The following FBRS variants were observed in gnomAD, a reference collection of about 807,000 sequenced individuals.
FBRS encodes probable fibrosin-1.
Under a neutral mutation model 86.1 loss-of-function variants are expected in FBRS, and 15 were observed. The ratio of observed to expected loss-of-function variants is 0.17; its 90% CI spans 0.12 to 0.27. The LOEUF (loss-of-function observed/expected upper bound fraction) is 0.27, where lower values mean the gene tolerates loss of function less well. Ranked by LOEUF, FBRS falls within the 10% of genes least tolerant of loss-of-function variation. FBRS has a pLI of 1.00. For synonymous variants in FBRS, 666 were observed against 575.8 expected, an observed-to-expected ratio of 1.16 and a Z score of -2.24; for missense variants, 1,367 against 1,301.6, an observed-to-expected ratio of 1.05 and a Z score of -0.77.
At chr16:30,667,764 T>C (rs2052540842) in intron 15 of FBRS, 142 bp downstream of exon 15, 2 of 660,986 alleles carry the variant, frequency 3.0e-6, no homozygotes, top group Admixed American at 3.6e-5. Context: ...CTCTACCCCC[T>C]CTGAGCCTTG....
rs1444751428 is a variant in FBRS, at chr16:30,659,866, G to C, written c.348G>C (p.Gly116=). Reference sequence around the variant, plus strand: ...AAGAGGAGGAGGAGGAGGAGGAGGGGGGCGCAGACGACGGCGAAGCCGAGG... The same window carrying C: ...AAGAGGAGGAGGAGGAGGAGGAGGGCGGCGCAGACGACGGCGAAGCCGAGG... ...GEEEEEEEEE[G]GADDGEAEEE... is the part of the protein sequence containing the mutation. The change falls in exon 1 of 18, where the codon GGG becomes GGC. Residue 116 remains glycine (G), a synonymous_variant. Transcript: ENST00000356166. The C allele has an allele frequency of 1.3e-6, 2 of 1,542,766 alleles. No individual in the cohort carries two copies. The highest frequency in any genetic ancestry group is 2.5e-5 in the East Asian group (1 of 40,752).
intron 4 of FBRS, 137 bp from the exon 5 acceptor site, chr16:30,662,283 A>C (rs2052471163): frequency 1.5e-6 from 2 of 1,343,208 alleles, no homozygotes; most frequent in African/African-American, 2.9e-5. Flanking sequence ...CCAGTCTTTG[A>C]TGGATCTCAG....
chr16:30,669,557 C>T lies in FBRS; in HGVS notation c.2855C>T (p.Ala952Val). The T allele has an allele frequency of 1.2e-5, 19 of 1,612,808 alleles. No individual in the cohort carries two copies. Among genetic ancestry groups the T allele is most frequent in the Non-Finnish European group, 1.6e-5 (19 of 1,179,800 alleles). The change falls in exon 18 of 18, where the codon GCC (alanine) becomes GTC (valine). Residue 952 changes from alanine (A) to valine (V), a missense_variant. Physicochemically the swap from Ala to Val is moderately conservative, Grantham distance 64 (BLOSUM62 0). Around this residue, in one of 3 missense-constraint regions of FBRS, gnomAD observed 659 missense variants for 678.8 expected, o/e 0.97. Coordinates refer to ENST00000356166, the MANE Select transcript of FBRS (RefSeq NM_001105079.3). The surrounding 1 kb of genome is among the most constrained non-coding windows in gnomAD (Gnocchi z 5.9). ...CTTCTCAGCAAGACCCCACCGGGAG[C>T]CCTTTTGGGGGCACCACCTCCGCTT... The part of the protein sequence containing the change: ...PHLLSKTPPG[A>V]LLGAPPPLVP...
chr16:30,662,384 C>A, intron 4 of FBRS, 36 bp from the exon 5 acceptor site: 1 of 1,549,732 alleles, frequency 6.5e-7, no homozygotes, highest in South Asian at 1.2e-5. Context: ...CTGGCCCACC[C>A]ACAACCTAAC....
chr16:30,663,403 C>G (rs991558627), intron 6 of FBRS, among the ~76,000 whole-genome samples: 1 of 151,810 alleles, frequency 6.6e-6, no homozygotes, highest in Non-Finnish European at 1.5e-5. Flanking sequence ...TCAGGTCTTA[C>G]GTGAGTAAAC....
At chr16:30,660,577 C>T (rs1332058948) in intron 2 of FBRS, 135 bp downstream of exon 2, 2 of 1,248,308 alleles carry the variant, frequency 1.6e-6, no homozygotes, top group Non-Finnish European at 2.0e-6. Flanking sequence ...CAAATTTGAG[C>T]CCTTACTCAT....
Position 30,668,892 on chromosome 16 carries a change from C to T in FBRS, c.2279C>T (p.Pro760Leu). ...SPLTFPAWVR[P>L]PEAARTPGSD... Reference sequence around the variant, plus strand: ...CTGACCTTTCCTGCCTGGGTCCGGCCCCCTGAGGCCGCCCGGACTCCAGGC... The same window carrying T: ...CTGACCTTTCCTGCCTGGGTCCGGCTCCCTGAGGCCGCCCGGACTCCAGGC... The change falls in exon 17 of 18, where the codon CCC becomes CTC. Residue 760 changes from proline to leucine, a missense_variant. Coordinates refer to ENST00000356166, the MANE Select transcript of FBRS (RefSeq NM_001105079.3). 6.3e-7 allele frequency: 1 copy of T among 1,586,020 alleles called. No individual in the cohort carries two copies. Among genetic ancestry groups the T allele is most frequent in the South Asian group, 1.1e-5 (1 of 87,970 alleles).
Position 30,666,986 on chromosome 16 carries a change from T to G in FBRS, c.1871T>G (p.Met624Arg), listed in dbSNP as rs1202716803. The G allele has an allele frequency of 6.2e-7, 1 of 1,608,120 alleles. No individual in the cohort carries two copies. Among genetic ancestry groups the G allele is most frequent in the Admixed American group, 1.7e-5 (1 of 59,046 alleles). The change falls in exon 13 of 18, where the codon ATG becomes AGG. Residue 624 changes from methionine to arginine, a missense_variant. Physicochemically the swap from Met to Arg is moderately conservative, Grantham distance 91. Transcript: ENST00000356166. Reference protein sequence around the residue: ...AYMILRHQEKMKGDSHKLDFR... With the variant: ...AYMILRHQEKRKGDSHKLDFR... ...ATGATCCTGAGACACCAGGAGAAAA[T>G]GAAGGTACTGGGGCCGGAGGGCTGG...
In FBRS at chr16:30,666,930, G is replaced by A. The variant is rs886676544; in HGVS notation, c.1815G>A (p.Lys605=). The A allele has an allele frequency of 6.2e-7, 1 of 1,612,756 alleles. No individual in the cohort carries two copies. The highest frequency in any genetic ancestry group is 8.5e-7 in the Non-Finnish European group (1 of 1,179,494). The change falls in exon 13 of 18, where the codon AAG becomes AAA. Residue 605 remains lysine, a synonymous_variant. Coordinates refer to ENST00000356166, the MANE Select transcript of FBRS (RefSeq NM_001105079.3). ...HFRPPLRKPG[K]WCAMHVRVAY... ...TTCTGGGGCGGCAGAAACCAGGGAAGTGGTGTGCCATGCACGTGCGTGTGG... is the reference window on the plus strand; with the variant it reads ...TTCTGGGGCGGCAGAAACCAGGGAAATGGTGTGCCATGCACGTGCGTGTGG...
Position 30,665,874 on chromosome 16 carries a change from T to C in FBRS, c.1773+168T>C. 6.6e-6 allele frequency: 4 copies of C among 606,470 alleles called. No homozygotes were observed. The highest frequency in any genetic ancestry group is 1.1e-5 in the Non-Finnish European group (4 of 348,172). The allele number at this position is 606,470 out of a possible 1,614,324, so 37.6% of individuals were successfully genotyped here. A position where few individuals can be genotyped will look rare whatever the true frequency, so the allele number is the denominator to read the frequency against. Reference sequence around the variant, plus strand: ...TGTAAATAGCTGGCTTTCCCAGGCATGAGGAATGAGAGTTTCATGAGCTTG... The same window carrying C: ...TGTAAATAGCTGGCTTTCCCAGGCACGAGGAATGAGAGTTTCATGAGCTTG... On this transcript the variant is annotated intron_variant, in intron 11 of 17. Coordinates refer to ENST00000356166, the MANE Select transcript of FBRS (RefSeq NM_001105079.3). The surrounding 1 kb of genome is among the most constrained non-coding windows in gnomAD (Gnocchi z 4.1).
At position 30,662,204 on chromosome 16, in the gene FBRS, C is replaced by T. The variant is rs2052470459; in HGVS notation, c.706-216C>T. The T allele has an allele frequency of 1.3e-5, 9 of 700,284 alleles. No homozygotes were observed. The East Asian group carries it at 2.6e-4, about 20-fold the overall frequency. The allele number at this position is 700,284 out of a possible 1,614,324, so 43.4% of individuals were successfully genotyped here. A position where few individuals can be genotyped will look rare whatever the true frequency, so the allele number is the denominator to read the frequency against. On this transcript the variant is annotated intron_variant, in intron 4 of 17. Coordinates refer to ENST00000356166, the MANE Select transcript of FBRS (RefSeq NM_001105079.3). ...TTCAACGCTGCCTCCATTTAGTCCT[C>T]TTGGCCTATCGGATTCTTGGGGTCA...
intron 2 of FBRS, among the ~76,000 whole-genome samples, chr16:30,660,890 G>A (rs2151266136): frequency 6.6e-6 from 1 of 152,246 alleles, no homozygotes; most frequent in African/African-American, 2.4e-5. Flanking sequence ...GTTGTGGTTG[G>A]GGAAAGCCCC....
chr16:30,668,524 G>T (rs771120325), intron 15 of FBRS, 36 bp from the exon 16 acceptor site: 2 of 1,579,452 alleles, frequency 1.3e-6, no homozygotes, highest in Non-Finnish European at 1.7e-6. Context: ...AGCACCGGCT[G>T]CCCAGTGCTC....
At chr16:30,668,515 G>C in intron 15 of FBRS, 45 bp from the exon 16 acceptor site, 1 of 1,568,398 alleles carries the variant, frequency 6.4e-7, no homozygotes, top group Non-Finnish European at 8.7e-7. Flanking sequence ...TGCCTGCTCA[G>C]CACCGGCTGC....
Position 30,659,952 on chromosome 16 carries a change from G to C in FBRS, c.434G>C (p.Ser145Thr). Residue 145 changes from serine (S) to threonine (T), a missense_variant, in exon 1 of 18, where the codon AGC becomes ACC. Coordinates refer to ENST00000356166, the MANE Select transcript of FBRS (RefSeq NM_001105079.3). ...EDLIDGFAIA[S>T]FATLEALQKD... ...TTGATCGATGGCTTCGCCATCGCCA[G>C]CTTCGCCACCCTCGAGGCCTTGCAG... The C allele has an allele frequency of 6.4e-7, 1 of 1,550,700 alleles. No individual in the cohort carries two copies. The highest frequency in any genetic ancestry group is 8.7e-7 in the Non-Finnish European group (1 of 1,147,238).
chr16:30,659,983 G>A lies in FBRS; in HGVS notation c.459+6G>A. ...CCACCCTCGAGGCCTTGCAGGTGGG[G>A]CCTAATGGGGCTAGGAGACTTTGGG... On this transcript the variant is annotated splice_donor_region_variant and intron_variant, in intron 1 of 17. Transcript: ENST00000356166. The A allele has an allele frequency of 2.6e-6, 4 of 1,549,502 alleles. No individual in the cohort carries two copies. The highest frequency in any genetic ancestry group is 3.5e-6 in the Non-Finnish European group (4 of 1,146,676).
chr16:30,661,478 C>G lies in FBRS; in HGVS notation c.705+145C>G, dbSNP rs1037753964. ...GTCAGGATTAGGTTTTTGGGAGGAA[C>G]GGGGGTGGATTGGGAGGGTAAATGG... is the stretch of plus-strand genomic sequence containing the variant. On this transcript the variant is annotated intron_variant, in intron 4 of 17. Transcript: ENST00000356166. The G allele has an allele frequency of 2.0e-6, 3 of 1,468,790 alleles. No individual in the cohort carries two copies. The Admixed American group carries it at 6.3e-5, about 31-fold the overall frequency. The allele number at this position is 1,468,790 out of a possible 1,614,324, so 91.0% of individuals were successfully genotyped here. A position where few individuals can be genotyped will look rare whatever the true frequency, so the allele number is the denominator to read the frequency against.
Position 30,669,866 on chromosome 16 carries a change from GGA to G in FBRS, c.*225_*226del, listed in dbSNP as rs2052575599. 2 of 647,730 alleles carry G rather than the reference GGA, an allele frequency of 3.1e-6. No individual in the cohort carries two copies. The highest frequency in any genetic ancestry group is 1.8e-5 in the African/African-American group (1 of 54,768). 40.1% of individuals were successfully genotyped at this position (647,730 alleles called of 1,614,324 possible). A position where few individuals can be genotyped will look rare whatever the true frequency, so the allele number is the denominator to read the frequency against. On this transcript the variant is annotated 3_prime_UTR_variant, in exon 18 of 18. Coordinates refer to ENST00000356166, the MANE Select transcript of FBRS (RefSeq NM_001105079.3). This position sits in a 1 kb window ranked among gnomAD's most constrained non-coding sequence, Gnocchi z 5.9. ...GCAGAGGTCACAGCCTCTAGAGAAG[GGA>G]GAGGGGCGTGTGCATGGGAGTGTGG... is the stretch of plus-strand genomic sequence containing the variant.
chr16:30,668,667 G>C (rs1596620017), intron 16 of FBRS, 24 bp downstream of exon 16: 1 of 1,587,532 alleles, frequency 6.3e-7, no homozygotes, highest in Non-Finnish European at 8.6e-7. Flanking sequence ...CGGTGGGGTG[G>C]GGGGGCTGCG....
Sources: gnomAD v4.1 joint callset for allele counts (sites outside exome capture counted in the v4.1 genomes callset) on GRCh38, gnomAD v4.1.1 for gene constraint, gnomAD v4.1.1 regional missense constraint, Gnocchi (gnomAD v3.1) non-coding constraint, MANE v1.5 for transcripts, NCBI Gene and HGNC (gene_info 2026-07-23, HGNC 2026-07-21) for gene names.